The following PRKD2 variants were observed in gnomAD, a reference collection of about 807,000 sequenced individuals.
The protein encoded by PRKD2 is protein kinase D2.
A neutral mutation model predicts 86.0 loss-of-function variants in PRKD2; 22 were observed. The ratio of observed to expected loss-of-function variants is 0.26; its 90% CI spans 0.18 to 0.37. PRKD2 has a LOEUF of 0.37. PRKD2 is among the 10% of genes least tolerant of loss of function. The pLI is 1.00. For synonymous variants in PRKD2, 509 were observed against 510.9 expected (o/e 1.00, Z 0.05); for missense variants, 818 against 1,199.2 (o/e 0.68, Z 4.70).
intron 7 of PRKD2, among the ~76,000 whole-genome samples, chr19:46,698,073 C>T (rs1008171987): frequency 6.6e-6 from 1 of 152,150 alleles, no homozygotes. Context: ...GCGATCTCGG[C>T]TCACTGCAAC....
chr19:46,714,788 C>A (rs2053862567), intron 1 of PRKD2, among the ~76,000 whole-genome samples: 1 of 152,222 alleles, frequency 6.6e-6, no homozygotes, highest in African/African-American at 2.4e-5. Context: ...CCCCCACTGC[C>A]ACCAGCTTCC....
chr19:46,691,757 C>T lies in PRKD2; in HGVS notation c.1680G>A (p.Gly560=). 1 of 1,612,930 alleles carries T rather than the reference C, an allele frequency of 6.2e-7. No homozygotes were observed. Among genetic ancestry groups the T allele is most frequent in the Non-Finnish European group, 8.5e-7 (1 of 1,179,986 alleles). The change falls in exon 12 of 18, where the codon GGG becomes GGA. Residue 560 remains glycine (G), a synonymous_variant. Transcript: ENST00000291281. ...QIFPDEVLGS[G]QFGVVYGGKH... is the part of the protein sequence containing the mutation. ...CACCTCCATAGACCACTCCAAACTG[C>T]CCTGAGCCCAGCACTTCGTCAGGGA...
At chr19:46,705,956 C>T (rs989308447) in intron 3 of PRKD2, among the ~76,000 whole-genome samples, 1 of 152,042 alleles carries the variant, frequency 6.6e-6, no homozygotes, top group African/African-American at 2.4e-5. Context: ...CTCCTGGGCT[C>T]AAGTAATCCT....
chr19:46,704,698 G>GTC, intron 3 of PRKD2, 49 bp from the exon 4 acceptor site: 1 of 1,544,750 alleles, frequency 6.5e-7, no homozygotes, highest in Non-Finnish European at 8.7e-7. Context: ...CCCCTCCTAG[G>GTC]TCTCTTCTTG....
intron 12 of PRKD2, among the ~76,000 whole-genome samples, chr19:46,691,091 G>C (rs2122660772): frequency 6.6e-6 from 1 of 152,216 alleles, no homozygotes; most frequent in African/African-American, 2.4e-5. Context: ...AGAGTTTAGA[G>C]TGTAGAAGTT....
chr19:46,711,803 C>T lies in PRKD2; in HGVS notation c.380-765G>A, dbSNP rs576375081. Among the ~76,000 whole-genome samples, 5 of 152,214 alleles carry T rather than the reference C, an allele frequency of 3.3e-5. No homozygotes were observed. The South Asian group carries it at 1.0e-3, about 32-fold the overall frequency. ...CATGGATAGGCGGTGCCCGGTGGCTCACATCTGTAATCCCAGCACTTTGGG... is the reference window on the plus strand; with the variant it reads ...CATGGATAGGCGGTGCCCGGTGGCTTACATCTGTAATCCCAGCACTTTGGG... On this transcript the variant is annotated intron_variant, in intron 2 of 17. Coordinates refer to ENST00000291281, the MANE Select transcript of PRKD2 (RefSeq NM_016457.5).
chr19:46,696,175 T>A (rs2053554570), intron 9 of PRKD2, among the ~76,000 whole-genome samples: 1 of 151,816 alleles, frequency 6.6e-6, no homozygotes, highest in Admixed American at 6.6e-5. Flanking sequence ...CTGAGCAAAA[T>A]GGGAAGATGA....
At chr19:46,714,188 T>C (rs2053850406) in intron 1 of PRKD2, 187 bp from the exon 2 acceptor site, 18 of 1,334,360 alleles carry the variant, frequency 1.3e-5, no homozygotes, top group Admixed American at 9.6e-5. Flanking sequence ...AGCGCCCCAA[T>C]TGTACGGGGA....
chr19:46,697,798 T>C lies in PRKD2; in HGVS notation c.1174A>G (p.Thr392Ala). The stretch of plus-strand genomic sequence containing the variant: ...CGCAGCGTGGTGCTGGATTTCCGCG[T>C]CGTGTGTCGCACCGATTGCACCACC... ...MRVVQSVRHT[T>A]RKSSTTLREG... The change falls in exon 8 of 18, where the codon ACG becomes GCG. Residue 392 changes from threonine (T) to alanine (A), a missense_variant. Physicochemically the swap from Thr to Ala is moderately conservative, Grantham distance 58 (BLOSUM62 0). Transcript: ENST00000291281. The C allele has an allele frequency of 1.2e-6, 2 of 1,614,082 alleles. No individual in the cohort carries two copies. The highest frequency in any genetic ancestry group is 1.7e-6 in the Non-Finnish European group (2 of 1,180,020).
chr19:46,700,726 A>C, intron 7 of PRKD2, 73 bp downstream of exon 7: 18 of 1,538,706 alleles, frequency 1.2e-5, no homozygotes, highest in Non-Finnish European at 1.6e-5. Context: ...AGCCCATTGT[A>C]GAGAAAAAGA....
intron 15 of PRKD2, among the ~76,000 whole-genome samples, chr19:46,680,365 G>A (rs372572712): frequency 1.2e-3 from 186 of 151,086 alleles, no homozygotes; most frequent in African/African-American, 4.0e-3. Context: ...TCGGCTCACC[G>A]CAACCTCCAC....
intron 14 of PRKD2, among the ~76,000 whole-genome samples, chr19:46,685,115 C>T (rs1188483902): frequency 6.6e-6 from 1 of 151,312 alleles, no homozygotes; most frequent in Non-Finnish European, 1.5e-5. Flanking sequence ...AAAAATTAGC[C>T]CGGTGTACTG....
chr19:46,697,317 G>C (rs2053574333), intron 8 of PRKD2, 83 bp from the exon 9 acceptor site: 2 of 1,082,848 alleles, frequency 1.8e-6, no homozygotes, highest in Non-Finnish European at 2.7e-6. Context: ...GGGGCTCCAG[G>C]TGCCTGGAGC....
intron 3 of PRKD2, among the ~76,000 whole-genome samples, chr19:46,707,454 G>A (rs2053730229): frequency 6.6e-6 from 1 of 151,974 alleles, no homozygotes; most frequent in Non-Finnish European, 1.5e-5. Context: ...GCCAGGAGTG[G>A]TGGTGCGCAC....
Position 46,693,117 on chromosome 19 carries a change from G to T in PRKD2, c.1576+758C>A, listed in dbSNP as rs1217466603. 3.9e-5 allele frequency among the ~76,000 whole-genome samples: 6 copies of T among 152,042 alleles called. No homozygotes were observed. The highest frequency in any genetic ancestry group is 8.8e-5 in the Non-Finnish European group (6 of 67,990). On this transcript the variant is annotated intron_variant, in intron 10 of 17. Coordinates refer to ENST00000291281, the MANE Select transcript of PRKD2 (RefSeq NM_016457.5). The surrounding 1 kb of genome is among the most constrained non-coding windows in gnomAD (Gnocchi z 4.5). ...TCAGTTCAGATGTCACCTCCTCCAG[G>T]AAGCCCCCCTATATACCCAGATTGG...
Position 46,681,757 on chromosome 19 carries a change from A to G in PRKD2, c.1972-9T>C. 1 of 1,584,648 alleles carries G rather than the reference A, an allele frequency of 6.3e-7. No homozygotes were observed. The highest frequency in any genetic ancestry group is 8.7e-7 in the Non-Finnish European group (1 of 1,153,912). ...CTCAAAGCCACCAGGATCTGAGGGG[A>G]GCAGATGGGCCCAGTAAGAAAGGTA... On this transcript the variant is annotated splice_polypyrimidine_tract_variant and intron_variant, in intron 14 of 17. Coordinates refer to ENST00000291281, the MANE Select transcript of PRKD2 (RefSeq NM_016457.5).
intron 13 of PRKD2, 41 bp from the exon 14 acceptor site, chr19:46,689,739 A>T (rs1478157134): frequency 1.2e-6 from 2 of 1,611,392 alleles, no homozygotes; most frequent in South Asian, 1.1e-5. Context: ...GGTAACCCAC[A>T]AACTCAGACC....
intron 16 of PRKD2, among the ~76,000 whole-genome samples, chr19:46,676,833 G>C (rs570281945): frequency 1.9e-4 from 29 of 152,312 alleles, no homozygotes; most frequent in African/African-American, 6.7e-4. Context: ...GCTGAAGCGG[G>C]CAAATAACTT....
rs926442685 is a variant in PRKD2 at position 46,678,631 on chromosome 19, G to C, written c.2103C>G (p.Ile701Met). The change falls in exon 16 of 18, where the codon ATC becomes ATG. Residue 701 changes from isoleucine to methionine, a missense_variant. Physicochemically the swap from Ile to Met is conservative, Grantham distance 10. Around this residue, in one of 5 missense-constraint regions of PRKD2, gnomAD observed 154 missense variants for 359.6 expected, o/e 0.43. Transcript: ENST00000291281. This position sits in a 1 kb window ranked among gnomAD's most constrained non-coding sequence, Gnocchi z 5.7. ...AGCGGCGGAACGACTTCTCGCCGAT[G>C]ATGCGAGCAAAGCCAAAGTCACACA... is the stretch of plus-strand genomic sequence containing the variant. ...VKLCDFGFARIIGEKSFRRSV... is the reference protein window; with the variant it reads ...VKLCDFGFARMIGEKSFRRSV... The C allele has an allele frequency of 1.2e-5, 20 of 1,608,846 alleles. No individual in the cohort carries two copies. Among genetic ancestry groups the C allele is most frequent in the Non-Finnish European group, 1.7e-5 (20 of 1,179,962 alleles).
Sources: allele counts gnomAD v4.1 joint callset (sites outside exome capture counted in the v4.1 genomes callset), GRCh38; gene constraint gnomAD v4.1.1; regional missense constraint gnomAD v4.1.1; non-coding constraint Gnocchi (gnomAD v3.1); transcripts MANE v1.5; gene names NCBI Gene and HGNC (gene_info 2026-07-23, HGNC 2026-07-21).